BRCC3: variants seen among roughly 807,000 people sequenced by gnomAD.
BRCC3 encodes the protein BRCA1/BRCA2-containing complex subunit 3.
A neutral mutation model predicts 28.0 loss-of-function variants in BRCC3; 15 were observed. The ratio of observed to expected loss-of-function variants is 0.54; its 90% CI spans 0.36 to 0.82. The LOEUF (loss-of-function observed/expected upper bound fraction) is 0.82, where lower values mean the gene tolerates loss of function less well. BRCC3 is among the 40% of genes least tolerant of loss of function. The probability of loss-of-function intolerance (pLI) is 0.01; values close to 1 mark genes in which losing one functional copy is unlikely to be tolerated. For synonymous variants in BRCC3, 66 were observed against 80.3 expected, an observed-to-expected ratio of 0.82 and a Z score of 0.95; for missense variants, 109 against 225.9, an observed-to-expected ratio of 0.48 and a Z score of 3.32.
At chrX:155,105,462 G>C (rs1036590566) in intron 7 of BRCC3, among the ~76,000 whole-genome samples, 3 of 111,100 alleles carry the variant, frequency 2.7e-5, no homozygotes, top group South Asian at 3.8e-4. Flanking sequence ...CAGCCTGGGC[G>C]ACAGAGTGAG....
In BRCC3 at chrX:155,090,763, CT is replaced by C; in HGVS notation, c.493-18del. The C allele has an allele frequency of 1.7e-6, 2 of 1,162,128 alleles. No individual in the cohort carries two copies. The highest frequency in any genetic ancestry group is 1.8e-5 in the African/African-American group (1 of 56,736). ...ATCTTTCTTTGTGTGATATTTCTTT[CT>C]TTCTTTTTTCCTTTGATAGACTGGC... On this transcript the variant is annotated intron_variant, in intron 6 of 10. Coordinates refer to ENST00000330045, the MANE Select transcript of BRCC3 (RefSeq NM_001018055.3).
At chrX:155,075,530 G>C (rs1427439399) in intron 3 of BRCC3, among the ~76,000 whole-genome samples, 4 of 111,411 alleles carry the variant, frequency 3.6e-5, no homozygotes, top group African/African-American at 1.3e-4. Context: ...TTTCCTTCCT[G>C]ACCCTTTCTA....
intron 3 of BRCC3, among the ~76,000 whole-genome samples, chrX:155,076,776 C>A (rs945144832): frequency 3.6e-5 from 4 of 111,932 alleles, no homozygotes; most frequent in African/African-American, 1.3e-4. Flanking sequence ...CATTGACTTA[C>A]TACATTATCT....
At chrX:155,076,019 T>C (rs1014805354) in intron 3 of BRCC3, among the ~76,000 whole-genome samples, 14 of 112,532 alleles carry the variant, frequency 1.2e-4, no homozygotes, top group African/African-American at 4.5e-4. Context: ...ATTTTTTTCT[T>C]TTTTAGATTC....
At chrX:155,102,933 T>G (rs1341054445) in intron 7 of BRCC3, among the ~76,000 whole-genome samples, 2 of 110,902 alleles carry the variant, frequency 1.8e-5, no homozygotes, top group Non-Finnish European at 3.8e-5. Flanking sequence ...CACATAGTTT[T>G]TGTGTGTGTG....
chrX:155,105,352 G>C (rs782710262), intron 7 of BRCC3, among the ~76,000 whole-genome samples: 1 of 111,260 alleles, frequency 9.0e-6, no homozygotes, highest in African/African-American at 3.3e-5. Flanking sequence ...GTGTGGTGGC[G>C]CATGCCTGTA....
At chrX:155,087,557 G>C (rs1557295089) in intron 5 of BRCC3, among the ~76,000 whole-genome samples, 2 of 111,764 alleles carry the variant, frequency 1.8e-5, no homozygotes, top group African/African-American at 3.3e-5. Context: ...GGCTGGTGTA[G>C]ATTTGAAGCC....
rs782054639 is a variant in BRCC3, at chrX:155,119,991, T to G, written c.725-8T>G. 8.4e-7 allele frequency: 1 copy of G among 1,195,610 alleles called. No homozygotes were observed. Among genetic ancestry groups the G allele is most frequent in the African/African-American group, 1.8e-5 (1 of 56,550 alleles). On this transcript the variant is annotated splice_polypyrimidine_tract_variant and splice_region_variant and intron_variant, in intron 9 of 10. Coordinates refer to ENST00000330045, the MANE Select transcript of BRCC3 (RefSeq NM_001018055.3). ...CAATTATTCTCATCTTTATTTTTCC[T>G]ATTGAAGTGTTTACCAAGAATCTGT...
rs782062912 is a variant in BRCC3, at chrX:155,077,179, G to A, written c.205G>A (p.Val69Ile). ...MRTVAEKVDAVRIVHIHSVII... is the reference protein window; with the variant it reads ...MRTVAEKVDAIRIVHIHSVII... Reference sequence around the variant, plus strand: ...GTGGATTTTCCTTTAGGTTGATGCCGTCAGAATTGTTCACATTCATTCTGT... The same window carrying A: ...GTGGATTTTCCTTTAGGTTGATGCCATCAGAATTGTTCACATTCATTCTGT... Residue 69 changes from valine to isoleucine, a missense_variant, in exon 4 of 11, where the codon GTC (valine) becomes ATC (isoleucine). By Grantham distance (29) the Val-to-Ile change is conservative (BLOSUM62 3). This residue lies in a region of BRCC3 where 58 missense variants were observed against 92.8 expected (regional missense o/e 0.63). Coordinates refer to ENST00000330045, the MANE Select transcript of BRCC3 (RefSeq NM_001018055.3). The A allele has an allele frequency of 4.1e-5, 48 of 1,179,903 alleles. No homozygotes were observed. The Middle Eastern group carries it at 7.2e-4, about 18-fold the overall frequency.
chrX:155,109,596 A>C (rs1557297910), intron 7 of BRCC3, among the ~76,000 whole-genome samples: 1 of 111,715 alleles, frequency 9.0e-6, no homozygotes. Context: ...TAGCAAATTG[A>C]TATATGTATA....
At chrX:155,072,395 C>T (rs2073992511) in intron 2 of BRCC3, 52 bp downstream of exon 2, 1 of 1,033,103 alleles carries the variant, frequency 9.7e-7, no homozygotes, top group African/African-American at 1.8e-5. Flanking sequence ...TCATTGTTAA[C>T]CTAAAATTAT....
At chrX:155,114,889 C>T (rs1019275748) in intron 7 of BRCC3, among the ~76,000 whole-genome samples, 5 of 111,817 alleles carry the variant, frequency 4.5e-5, no homozygotes, top group Admixed American at 2.8e-4. Context: ...CTGATTCATA[C>T]CCATAGATGC....
At chrX:155,113,119 C>CTTTTT (rs35621321) in intron 7 of BRCC3, among the ~76,000 whole-genome samples, 7 of 30,813 alleles carry the variant, frequency 2.3e-4, no homozygotes, top group Admixed American at 5.6e-4. Flanking sequence ...GGCTTGCTTG[C>CTTTTT]TTTTTTTTTT....
chrX:155,091,794 TAA>T (rs1186835284), intron 7 of BRCC3, among the ~76,000 whole-genome samples: 18 of 97,944 alleles, frequency 1.8e-4, no homozygotes, highest in Admixed American at 3.3e-4. Context: ...ATGCAGCCGT[TAA>T]AAAAAAAAAA....
At chrX:155,116,642 T>C in intron 8 of BRCC3, 69 bp from the exon 9 acceptor site, 1 of 723,087 alleles carries the variant, frequency 1.4e-6, no homozygotes, top group East Asian at 3.5e-5. Context: ...GGCAACGGTA[T>C]AGTCCATGAC....
At position 155,081,899 on chromosome X, in the gene BRCC3, G is replaced by A. The variant is rs1215616568; in HGVS notation, c.403+3196G>A. On this transcript the variant is annotated intron_variant, in intron 5 of 10. Coordinates refer to ENST00000330045, the MANE Select transcript of BRCC3 (RefSeq NM_001018055.3). Reference sequence around the variant, plus strand: ...GTCCTGGACCTTAATGATTTTGTTGGGGGGAAAACAGAGTACTAAAGGGAA... The same window carrying A: ...GTCCTGGACCTTAATGATTTTGTTGAGGGGAAAACAGAGTACTAAAGGGAA... Among the ~76,000 whole-genome samples the A allele has an allele frequency of 2.7e-5, 3 of 111,490 alleles. No homozygotes were observed. In the Admixed American group the frequency reaches 2.9e-4, roughly 11 times the overall value.
Position 155,123,067 on chromosome X carries a change from T to G in BRCC3, c.*1863T>G, listed in dbSNP as rs1557299672. 8.9e-6 allele frequency: 1 copy of G among 111,871 alleles called. No homozygotes were observed. The highest frequency in any genetic ancestry group is 2.8e-4 in the East Asian group (1 of 3,581). 9.2% of individuals were successfully genotyped at this position (111,871 alleles called of 1,213,427 possible). A position where few individuals can be genotyped will look rare whatever the true frequency, so the allele number is the denominator to read the frequency against. On this transcript the variant is annotated 3_prime_UTR_variant, in exon 11 of 11. Transcript: ENST00000330045. The stretch of plus-strand genomic sequence containing the variant: ...TACTGAATAAAGTCTGTGGTCTAGA[T>G]AGCAGTATAATATTATTGTCAATGT...
At chrX:155,075,201 C>T (rs1178672933) in intron 3 of BRCC3, among the ~76,000 whole-genome samples, 1 of 72,051 alleles carries the variant, frequency 1.4e-5, no homozygotes, top group African/African-American at 1.1e-4. Context: ...AGACCTGTTG[C>T]ACAGTGAAAA....
At chrX:155,104,306 C>G (rs2074264227) in intron 7 of BRCC3, among the ~76,000 whole-genome samples, 1 of 111,362 alleles carries the variant, frequency 9.0e-6, no homozygotes, top group Non-Finnish European at 1.9e-5. Flanking sequence ...TAAAAATATT[C>G]TTGAGTTTTG....
Sources: allele counts gnomAD v4.1 joint callset (sites outside exome capture counted in the v4.1 genomes callset), GRCh38; gene constraint gnomAD v4.1.1; regional missense constraint gnomAD v4.1.1; transcripts MANE v1.5; gene names NCBI Gene and HGNC (gene_info 2026-07-23, HGNC 2026-07-21).